The following ANKRD28 variants were observed in gnomAD, a reference collection of about 807,000 sequenced individuals.
ANKRD28 encodes serine/threonine-protein phosphatase 6 regulatory ankyrin repeat subunit A.
In ANKRD28, 44 loss-of-function variants were observed where a neutral mutation model predicts 126.5. The ratio of observed to expected loss-of-function variants is 0.35; its 90% CI spans 0.27 to 0.45. The LOEUF is 0.45. ANKRD28 is among the 20% of genes least tolerant of loss of function. The pLI is 1.00. For synonymous variants in ANKRD28, 442 were observed against 468.5 expected (o/e 0.94, Z 0.73); for missense variants, 1,110 against 1,316.6 (o/e 0.84, Z 2.43).
chr3:15,710,059 G>C (rs1344451338), intron 12 of ANKRD28, among the ~76,000 whole-genome samples: 1 of 147,654 alleles, frequency 6.8e-6, no homozygotes, highest in Non-Finnish European at 1.5e-5. Context: ...TCTTGAAACA[G>C]AGCCTCACTC....
intron 6 of ANKRD28, among the ~76,000 whole-genome samples, chr3:15,729,091 C>G (rs1244333036): frequency 6.6e-6 from 1 of 152,178 alleles, no homozygotes; most frequent in East Asian, 1.9e-4. Flanking sequence ...TGCTCCAGCC[C>G]AGACTGATGT....
chr3:15,806,459 G>A (rs2060580164), intron 1 of ANKRD28, among the ~76,000 whole-genome samples: 1 of 151,734 alleles, frequency 6.6e-6, no homozygotes, highest in Middle Eastern at 3.5e-3. Flanking sequence ...AAAATTAGAC[G>A]CTCATCATTA....
At chr3:15,804,835 G>C (rs2060541947) in intron 1 of ANKRD28, among the ~76,000 whole-genome samples, 1 of 145,424 alleles carries the variant, frequency 6.9e-6, no homozygotes, top group Non-Finnish European at 1.5e-5. Flanking sequence ...TGTGGAACTG[G>C]GGTATGAGAT....
chr3:15,704,503 A>G (rs975247653), intron 14 of ANKRD28, among the ~76,000 whole-genome samples: 7 of 152,162 alleles, frequency 4.6e-5, no homozygotes, highest in African/African-American at 1.7e-4. Flanking sequence ...GGGGATTTTT[A>G]AAAAACCATT....
chr3:15,689,035 A>G (rs779385029), intron 18 of ANKRD28, among the ~76,000 whole-genome samples: 11 of 152,202 alleles, frequency 7.2e-5, no homozygotes, highest in Non-Finnish European at 1.5e-4. Flanking sequence ...CATAAACCCA[A>G]CTTCTAAGGC....
intron 2 of ANKRD28, among the ~76,000 whole-genome samples, chr3:15,771,935 A>G (rs897581072): frequency 2.6e-5 from 4 of 152,224 alleles, no homozygotes; most frequent in Non-Finnish European, 5.9e-5. Context: ...GATTCAAAGC[A>G]TATTTCAGTA....
intron 5 of ANKRD28, among the ~76,000 whole-genome samples, chr3:15,736,305 A>T (rs1212389205): frequency 6.6e-6 from 1 of 152,218 alleles, no homozygotes; most frequent in Non-Finnish European, 1.5e-5. Flanking sequence ...GGAAAAAAAC[A>T]CAGTATCTAT....
At chr3:15,822,056 T>G (rs1413294026) in intron 1 of ANKRD28, among the ~76,000 whole-genome samples, 1 of 152,158 alleles carries the variant, frequency 6.6e-6, no homozygotes, top group African/African-American at 2.4e-5. Flanking sequence ...AATAAAGGTT[T>G]TGAAAGCTCC....
chr3:15,819,666 A>T (rs1236220515), intron 1 of ANKRD28, among the ~76,000 whole-genome samples: 2 of 152,226 alleles, frequency 1.3e-5, no homozygotes, highest in East Asian at 3.8e-4. Context: ...TGCCTGTTAC[A>T]AGTTACACAG....
chr3:15,709,708 T>A lies in ANKRD28; in HGVS notation c.1366A>T (p.Asn456Tyr). ...TTTTTATTAAAGTCTGCACCAGTAT[T>A]CAGCAGAAGGTTTAGGCACTCCAAA... ...GNLECLNLLL[N>Y]TGADFNKKDK... is the part of the protein sequence containing the mutation. Residue 456 changes from asparagine to tyrosine, a missense_variant, in exon 13 of 28, where the codon AAT becomes TAT. Transcript: ENST00000683139. The A allele has an allele frequency of 6.3e-7, 1 of 1,582,426 alleles. No homozygotes were observed. The highest frequency in any genetic ancestry group is 8.6e-7 in the Non-Finnish European group (1 of 1,162,386).
intron 3 of ANKRD28, among the ~76,000 whole-genome samples, chr3:15,755,218 G>A (rs967876212): frequency 2.0e-5 from 3 of 152,142 alleles, no homozygotes; most frequent in Non-Finnish European, 4.4e-5. Flanking sequence ...GGAAAATAAA[G>A]GTCAACTATA....
intron 1 of ANKRD28, among the ~76,000 whole-genome samples, chr3:15,818,768 C>T (rs1167014379): frequency 6.6e-6 from 1 of 152,192 alleles, no homozygotes; most frequent in Non-Finnish European, 1.5e-5. Flanking sequence ...TGGGAAACTA[C>T]TGTACCATGC....
intron 4 of ANKRD28, among the ~76,000 whole-genome samples, chr3:15,740,495 G>A (rs1015084108): frequency 6.6e-6 from 1 of 152,176 alleles, no homozygotes; most frequent in Non-Finnish European, 1.5e-5. Context: ...AGTACATTGT[G>A]ACTTGGGGGA....
At chr3:15,772,916 C>T (rs534030171) in intron 2 of ANKRD28, among the ~76,000 whole-genome samples, 10 of 152,010 alleles carry the variant, frequency 6.6e-5, no homozygotes, top group Non-Finnish European at 1.0e-4. Flanking sequence ...ATAAAGGGTA[C>T]AACAAAAATC....
rs548941894 is a variant in ANKRD28, at chr3:15,814,873, ATATAT to A, written c.28-19572_28-19568del. ...AAAGAAAACTCTGGTAATTTTATAC[ATATAT>A]TATATATAAAAAGTATATATATATA... On this transcript the variant is annotated intron_variant, in intron 1 of 27. Transcript: ENST00000399451. The surrounding 1 kb of genome is among the most constrained non-coding windows in gnomAD (Gnocchi z 4.7). Among the ~76,000 whole-genome samples the A allele has an allele frequency of 3.8e-3, 574 of 150,178 alleles. 3 individuals are homozygous for A. Among genetic ancestry groups the A allele is most frequent in the Middle Eastern group, 7.1e-3 (2 of 282 alleles).
intron 17 of ANKRD28, among the ~76,000 whole-genome samples, chr3:15,690,895 A>G (rs574862863): frequency 6.6e-6 from 1 of 152,328 alleles, no homozygotes; most frequent in East Asian, 1.9e-4. Context: ...ATCACAGTTC[A>G]GTGCTCCACA....
At chr3:15,736,970 C>G in intron 5 of ANKRD28, 63 bp downstream of exon 5, 1 of 1,538,366 alleles carries the variant, frequency 6.5e-7, no homozygotes, top group Non-Finnish European at 8.9e-7. Flanking sequence ...AATGCAAGTT[C>G]TTTAATAAGT....
At chr3:15,742,821 CCTA>C (rs1227578173) in intron 4 of ANKRD28, among the ~76,000 whole-genome samples, 1 of 147,186 alleles carries the variant, frequency 6.8e-6, no homozygotes, top group Admixed American at 6.8e-5. Context: ...CCCGGCCGCC[CCTA>C]CTGGGAAGTG....
chr3:15,763,550 A>G lies in ANKRD28; in HGVS notation c.280+2684T>C, dbSNP rs149933080. On this transcript the variant is annotated intron_variant, in intron 3 of 27. Coordinates refer to ENST00000683139, the MANE Select transcript of ANKRD28 (RefSeq NM_001349278.2). ...AACAATAAACACTAGGAGAAAAGAT[A>G]ACACAGGCGAGGGGGATTAGGTGGT... Among the ~76,000 whole-genome samples, 129 of 152,330 alleles carry G rather than the reference A, an allele frequency of 8.5e-4. 2 individuals are homozygous for G. In the East Asian group the frequency reaches 0.015, roughly 18 times the overall value.
Sources: allele counts gnomAD v4.1 joint callset (sites outside exome capture counted in the v4.1 genomes callset), GRCh38; gene constraint gnomAD v4.1.1; non-coding constraint Gnocchi (gnomAD v3.1); transcripts MANE v1.5; gene names NCBI Gene and HGNC (gene_info 2026-07-23, HGNC 2026-07-21).